The following ELMO1 variants were observed in gnomAD, a reference collection of about 807,000 sequenced individuals.
ELMO1 encodes the protein engulfment and cell motility protein 1.
Under a neutral mutation model 98.9 loss-of-function variants are expected in ELMO1, and 26 were observed. That is an observed-to-expected ratio of 0.26 (90% CI 0.19 to 0.36). The LOEUF is 0.36. ELMO1 is among the 10% of genes least tolerant of loss of function. ELMO1 has a pLI of 1.00. For missense variants in ELMO1, 627 were observed against 935.2 expected, an observed-to-expected ratio of 0.67 and a Z score of 4.30; for synonymous variants, 346 against 346.0, an observed-to-expected ratio of 1.00 and a Z score of 0.00.
chr7:37,130,757 T>TTGTG (rs10649292), intron 14 of ELMO1, among the ~76,000 whole-genome samples: 1 of 150,670 alleles, frequency 6.6e-6, no homozygotes, highest in East Asian at 1.9e-4. Flanking sequence ...ATACATGTGT[T>TTGTG]TGTGTGTGTG....
chr7:37,402,270 C>T (rs987562524), intron 1 of ELMO1, among the ~76,000 whole-genome samples: 3 of 152,024 alleles, frequency 2.0e-5, no homozygotes, highest in Admixed American at 2.0e-4. Flanking sequence ...GTGAGAATAT[C>T]GTTACAGGAA....
At chr7:37,347,918 T>C (rs1801088462) in intron 1 of ELMO1, among the ~76,000 whole-genome samples, 3 of 151,984 alleles carry the variant, frequency 2.0e-5, no homozygotes, top group Admixed American at 1.3e-4. Context: ...GAGAAGGAAA[T>C]ACATTCTAAA....
chr7:37,334,008 A>C (rs1800263268), intron 2 of ELMO1, among the ~76,000 whole-genome samples: 1 of 152,196 alleles, frequency 6.6e-6, no homozygotes, highest in Non-Finnish European at 1.5e-5. Flanking sequence ...GAGAGTGATA[A>C]ATTTCAAGGG....
intron 16 of ELMO1, among the ~76,000 whole-genome samples, chr7:36,902,237 G>A (rs767284350): frequency 7.9e-5 from 12 of 152,170 alleles, no homozygotes; most frequent in Non-Finnish European, 1.6e-4. Context: ...ATTAATAAAA[G>A]CAAAAAAGCT....
intron 7 of ELMO1, among the ~76,000 whole-genome samples, chr7:37,240,973 A>G (rs1794736285): frequency 6.6e-6 from 1 of 152,140 alleles, no homozygotes; most frequent in African/African-American, 2.4e-5. Context: ...AATTAAGGCA[A>G]GACCTTTGAT....
chr7:37,375,437 G>T, intron 1 of ELMO1: 1 of 631,812 alleles, frequency 1.6e-6, no homozygotes, highest in East Asian at 2.8e-5. Context: ...CCCAGGAATA[G>T]CAAGGGCAGT....
intron 13 of ELMO1, among the ~76,000 whole-genome samples, chr7:37,190,547 G>C (rs1214038953): frequency 6.6e-6 from 1 of 152,124 alleles, no homozygotes; most frequent in South Asian, 2.1e-4. Context: ...ACCCAGGCTA[G>C]AGTGCCATAG....
At chr7:36,909,657 A>G (rs1364352528) in intron 16 of ELMO1, among the ~76,000 whole-genome samples, 1 of 152,228 alleles carries the variant, frequency 6.6e-6, no homozygotes, top group Non-Finnish European at 1.5e-5. Context: ...AAAAAACTGT[A>G]ATGCTGAAAA....
At chr7:37,202,622 C>T (rs549656241) in intron 13 of ELMO1, among the ~76,000 whole-genome samples, 105 of 152,324 alleles carry the variant, frequency 6.9e-4, no homozygotes, top group African/African-American at 2.4e-3. Context: ...TGAATTGAAA[C>T]ACAGTAAGTT....
At chr7:37,020,348 T>C (rs1794196379) in intron 15 of ELMO1, among the ~76,000 whole-genome samples, 1 of 152,218 alleles carries the variant, frequency 6.6e-6, no homozygotes, top group South Asian at 2.1e-4. Context: ...TTTCCTTTAT[T>C]GACAGGATGA....
chr7:37,250,650 G>C (rs1375476597), intron 6 of ELMO1, among the ~76,000 whole-genome samples: 1 of 151,980 alleles, frequency 6.6e-6, no homozygotes, highest in Non-Finnish European at 1.5e-5. Context: ...AAATTAGCCG[G>C]GTGTGGTGGC....
rs141111350 is a variant in ELMO1 at position 36,961,188 on chromosome 7, A to T, written c.1437+52111T>A. Among the ~76,000 whole-genome samples the T allele has an allele frequency of 4.3e-3, 648 of 152,284 alleles. 11 individuals carry two copies. The highest frequency in any genetic ancestry group is 0.015 in the African/African-American group (619 of 41,554). ...TAAGCTTCCTCTAGGTCAAGGATCAAATTTCTCCTTCCCATATACCTTCTC... is the reference window on the plus strand; with the variant it reads ...TAAGCTTCCTCTAGGTCAAGGATCATATTTCTCCTTCCCATATACCTTCTC... On this transcript the variant is annotated intron_variant, in intron 16 of 21. Coordinates refer to ENST00000310758, the MANE Select transcript of ELMO1 (RefSeq NM_014800.11).
At chr7:36,878,342 T>C (rs1237331024) in intron 18 of ELMO1, among the ~76,000 whole-genome samples, 2 of 152,152 alleles carry the variant, frequency 1.3e-5, no homozygotes, top group African/African-American at 4.8e-5. Flanking sequence ...ATTAGTAAAG[T>C]CATTGAACTC....
At chr7:37,206,008 T>C (rs1792595018) in intron 13 of ELMO1, among the ~76,000 whole-genome samples, 1 of 152,106 alleles carries the variant, frequency 6.6e-6, no homozygotes, top group African/African-American at 2.4e-5. Context: ...CACCCAGTGT[T>C]CTTTCACCTT....
chr7:37,161,259 A>G (rs1789183093), intron 13 of ELMO1, among the ~76,000 whole-genome samples: 1 of 152,048 alleles, frequency 6.6e-6, no homozygotes, highest in Admixed American at 6.5e-5. Flanking sequence ...AGCTCTTACT[A>G]GACTTCAGAT....
intron 7 of ELMO1, among the ~76,000 whole-genome samples, chr7:37,241,459 GAC>G (rs1240926293): frequency 6.6e-6 from 1 of 151,998 alleles, no homozygotes; most frequent in East Asian, 1.9e-4. Flanking sequence ...AATTTCATCT[GAC>G]AATCTAAACC....
At chr7:36,986,295 A>G in intron 16 of ELMO1, 3 of 979,022 alleles carry the variant, frequency 3.1e-6, no homozygotes, top group Non-Finnish European at 3.6e-6. Context: ...CGGCTTTTCC[A>G]GGAAGAGCTT....
At position 37,103,188 on chromosome 7, in the gene ELMO1, G is replaced by A. The variant is rs534542723; in HGVS notation, c.1192-6461C>T. Among the ~76,000 whole-genome samples, 3 of 152,286 alleles carry A rather than the reference G, an allele frequency of 2.0e-5. No individual in the cohort carries two copies. In the East Asian group the frequency reaches 5.8e-4, roughly 29 times the overall value. On this transcript the variant is annotated intron_variant, in intron 14 of 21. Transcript: ENST00000310758. ...ATAATTACATAAACGCTTGTTCCAA[G>A]GTATTACTATTTGCATTTCTGAAAT... is the stretch of plus-strand genomic sequence containing the variant.
At chr7:37,026,195 GCA>G (rs1476692393) in intron 15 of ELMO1, among the ~76,000 whole-genome samples, 1 of 152,098 alleles carries the variant, frequency 6.6e-6, no homozygotes, top group African/African-American at 2.4e-5. Flanking sequence ...TGTGAGATGG[GCA>G]CCCAAGGATT....
Sources: gnomAD v4.1 joint callset for allele counts (sites outside exome capture counted in the v4.1 genomes callset) on GRCh38, gnomAD v4.1.1 for gene constraint, MANE v1.5 for transcripts, NCBI Gene and HGNC (gene_info 2026-07-23, HGNC 2026-07-21) for gene names.